The following MELTF variants were observed in gnomAD, a reference collection of about 807,000 sequenced individuals.
The protein encoded by MELTF is antigen p97 (melanoma associated) identified by monoclonal antibodies 133.2 and 96.5.
In MELTF, 67 loss-of-function variants were observed where a neutral mutation model predicts 83.7. The observed-to-expected ratio is 0.80, with a 90% CI of 0.66 to 0.98. The LOEUF is 0.98. MELTF is among the 50% of genes least tolerant of loss of function. The pLI is 0.00. For missense variants in MELTF, 1,002 were observed against 1,035.6 expected (o/e 0.97, Z 0.44); for synonymous variants, 462 against 447.6 (o/e 1.03, Z -0.41).
At chr3:197,020,929 G>T (rs1417961150) in intron 6 of MELTF, among the ~76,000 whole-genome samples, 1 of 152,140 alleles carries the variant, frequency 6.6e-6, no homozygotes, top group Non-Finnish European at 1.5e-5. Flanking sequence ...GCCTCCCAAA[G>T]TGCTGGGATT....
chr3:197,013,526 G>A (rs1265596699), intron 9 of MELTF, among the ~76,000 whole-genome samples: 1 of 152,224 alleles, frequency 6.6e-6, no homozygotes, highest in Non-Finnish European at 1.5e-5. Context: ...AAAGGGAATT[G>A]TATCAAACAA....
At position 197,007,923 on chromosome 3, in the gene MELTF, C is replaced by G. The variant is rs567645982; in HGVS notation, c.1750+734G>C. On this transcript the variant is annotated intron_variant, in intron 13 of 15. Transcript: ENST00000296350. The surrounding 1 kb of genome is among the most constrained non-coding windows in gnomAD (Gnocchi z 4.3). The stretch of plus-strand genomic sequence containing the variant: ...GGAGCGAGTGGAGAAGACTGGGCCT[C>G]CAGCATTTGGGGTTTCAAAGCCTGG... 3.3e-5 allele frequency among the ~76,000 whole-genome samples: 5 copies of G among 152,276 alleles called. No individual in the cohort carries two copies. The highest frequency in any genetic ancestry group is 2.1e-4 in the South Asian group (1 of 4,818).
At chr3:197,009,906 C>A in intron 10 of MELTF, 94 bp from the exon 11 acceptor site, 1 of 1,168,296 alleles carries the variant, frequency 8.6e-7, no homozygotes. Context: ...TCCTTCCTGT[C>A]TCTTTGCCTG....
chr3:197,016,233 T>C lies in MELTF; in HGVS notation c.1037A>G (p.His346Arg), dbSNP rs935164557. Reference protein sequence around the residue: ...ATQTYEAWLGHEYLHAMKGLL... With the variant: ...ATQTYEAWLGREYLHAMKGLL... ...ACCCTTCATGGCGTGCAGGTACTCATGGCCCAGCCACGCCTCATAGGTCTG... is the reference window on the plus strand; with the variant it reads ...ACCCTTCATGGCGTGCAGGTACTCACGGCCCAGCCACGCCTCATAGGTCTG... Residue 346 changes from histidine to arginine, a missense_variant, in exon 8 of 16, where the codon CAT becomes CGT. Coordinates refer to ENST00000296350, the MANE Select transcript of MELTF (RefSeq NM_005929.6). The C allele has an allele frequency of 5.6e-6, 9 of 1,601,126 alleles. No individual in the cohort carries two copies. Among genetic ancestry groups the C allele is most frequent in the Non-Finnish European group, 7.7e-6 (9 of 1,173,840 alleles).
At chr3:197,027,703 C>A (rs987971549) in intron 2 of MELTF, 53 bp downstream of exon 2, 3 of 1,559,370 alleles carry the variant, frequency 1.9e-6, no homozygotes, top group Admixed American at 1.8e-5. Flanking sequence ...GTTGTGTGCT[C>A]CCTCCTGAGT....
chr3:197,029,795 G>T lies in MELTF; in HGVS notation c.-93C>A. On this transcript the variant is annotated 5_prime_UTR_variant, in exon 1 of 16. Transcript: ENST00000296350. The surrounding 1 kb of genome is among the most constrained non-coding windows in gnomAD (Gnocchi z 6.5). Reference sequence around the variant, plus strand: ...GGGCTTCCTCCCTGCTCCCCCTCGCGCTGGCCCGAGCTCCTTAAGTGCGGC... The same window carrying T: ...GGGCTTCCTCCCTGCTCCCCCTCGCTCTGGCCCGAGCTCCTTAAGTGCGGC... 2.3e-6 allele frequency: 2 copies of T among 879,306 alleles called. No homozygotes were observed. The highest frequency in any genetic ancestry group is 3.0e-6 in the Non-Finnish European group (2 of 667,350). 54.5% of individuals were successfully genotyped at this position (879,306 alleles called of 1,614,324 possible).
Position 197,006,648 on chromosome 3 carries a change from C to T in MELTF, c.1839G>A (p.Gln613=). The change falls in exon 14 of 16, where the codon CAG becomes CAA. Residue 613 remains glutamine, a synonymous_variant. Transcript: ENST00000296350. The surrounding 1 kb of genome is among the most constrained non-coding windows in gnomAD (Gnocchi z 5.4). ...TCTGTGCCAGGTTGCAGGCTGCAAACTGGGACACCTCGGCTCGGGCCCCGT... is the reference window on the plus strand; with the variant it reads ...TCTGTGCCAGGTTGCAGGCTGCAAATTGGGACACCTCGGCTCGGGCCCCGT... The part of the protein sequence containing the change: ...CPNGARAEVS[Q]FAACNLAQIP... 2 of 1,609,640 alleles carry T rather than the reference C, an allele frequency of 1.2e-6. No homozygotes were observed. Among genetic ancestry groups the T allele is most frequent in the Non-Finnish European group, 1.7e-6 (2 of 1,177,772 alleles).
chr3:197,029,685 C>T lies in MELTF; in HGVS notation c.18G>A (p.Gly6=). 1 of 1,244,528 alleles carries T rather than the reference C, an allele frequency of 8.0e-7. No homozygotes were observed. Among genetic ancestry groups the T allele is most frequent in the Admixed American group, 4.0e-5 (1 of 24,736 alleles). 77.1% of individuals were successfully genotyped at this position (1,244,528 alleles called of 1,614,324 possible). The change falls in exon 1 of 16, where the codon GGG becomes GGA. Residue 6 remains glycine, a synonymous_variant. Transcript: ENST00000296350. The surrounding 1 kb of genome is among the most constrained non-coding windows in gnomAD (Gnocchi z 6.5). Reference sequence around the variant, plus strand: ...GCAGAGCCAGGAGCAGCCACAGAGCCCCGCTCGGACCCCGCATGGCGCCGT... The same window carrying T: ...GCAGAGCCAGGAGCAGCCACAGAGCTCCGCTCGGACCCCGCATGGCGCCGT... The part of the protein sequence containing the change: MRGPS[G]ALWLLLALRT...
rs970789801 is a variant in MELTF, at chr3:197,016,224, A to T, written c.1046T>A (p.Leu349Gln). The T allele has an allele frequency of 6.3e-7, 1 of 1,596,120 alleles. No individual in the cohort carries two copies. Among genetic ancestry groups the T allele is most frequent in the Non-Finnish European group, 8.5e-7 (1 of 1,171,494 alleles). The change falls in exon 8 of 16, where the codon CTG becomes CAG. Residue 349 changes from leucine to glutamine, a missense_variant. Physicochemically the swap from Leu to Gln is moderately radical, Grantham distance 113. Transcript: ENST00000296350. ...ACAGAGCAGACCCTTCATGGCGTGC[A>T]GGTACTCATGGCCCAGCCACGCCTC... is the stretch of plus-strand genomic sequence containing the variant. ...TYEAWLGHEY[L>Q]HAMKGLLCDP...
Position 197,004,075 on chromosome 3 carries a change from T to A in MELTF, c.1963A>T (p.Lys655Ter). 6.2e-7 allele frequency: 1 copy of A among 1,614,110 alleles called. No homozygotes were observed. Among genetic ancestry groups the A allele is most frequent in the Non-Finnish European group, 8.5e-7 (1 of 1,180,010 alleles). The change falls in exon 15 of 16, where the codon AAG becomes TAG. Residue 655 changes from lysine (K) to a stop codon, truncating the protein, a stop_gained. Coordinates refer to ENST00000296350, the MANE Select transcript of MELTF (RefSeq NM_005929.6). LOFTEE classifies it high-confidence loss of function. ...AQDLFGDDHN[K>*]NGFKMFDSSN... is the part of the protein sequence containing the mutation. ...GAGTCGAACATTTTGAACCCGTTCT[T>A]ATTGTGGTCGTCTCCAAACAGGTCC...
At position 197,029,555 on chromosome 3, in the gene MELTF, C is replaced by A; in HGVS notation, c.49+99G>T. 1 of 1,025,416 alleles carries A rather than the reference C, an allele frequency of 9.8e-7. No individual in the cohort carries two copies. The highest frequency in any genetic ancestry group is 1.3e-6 in the Non-Finnish European group (1 of 799,418). 63.5% of individuals were successfully genotyped at this position (1,025,416 alleles called of 1,614,324 possible). On this transcript the variant is annotated intron_variant, in intron 1 of 15. Transcript: ENST00000296350. The surrounding 1 kb of genome is among the most constrained non-coding windows in gnomAD (Gnocchi z 6.5). ...CCTCCCCCGTCTCACTGCCCCGGAGCCGCAGGCTCAGGCACATTTCCAGCC... is the reference window on the plus strand; with the variant it reads ...CCTCCCCCGTCTCACTGCCCCGGAGACGCAGGCTCAGGCACATTTCCAGCC...
At chr3:197,015,914 G>A (rs1222710189) in intron 8 of MELTF, among the ~76,000 whole-genome samples, 1 of 152,158 alleles carries the variant, frequency 6.6e-6, no homozygotes, top group East Asian at 1.9e-4. Context: ...TGCCATGGCC[G>A]TGGATGGGGG....
At position 197,008,836 on chromosome 3, in the gene MELTF, C is replaced by T. The variant is rs374064854; in HGVS notation, c.1655G>A (p.Arg552Gln). The part of the protein sequence containing the change: ...RNKCVGNSQE[R>Q]YYGYRGAFRC... The stretch of plus-strand genomic sequence containing the variant: ...GAAGGCGCCGCGGTAGCCGTAATAC[C>T]GCTCCTGGCTGTTGCCCACACACTT... The change falls in exon 12 of 16, where the codon CGG (arginine) becomes CAG (glutamine). Residue 552 changes from arginine to glutamine, a missense_variant. Transcript: ENST00000296350. The surrounding 1 kb of genome is among the most constrained non-coding windows in gnomAD (Gnocchi z 5.4). 7.9e-5 allele frequency: 128 copies of T among 1,614,028 alleles called. No individual in the cohort carries two copies. Among genetic ancestry groups the T allele is most frequent in the Non-Finnish European group, 9.9e-5 (117 of 1,180,028 alleles).
chr3:197,017,830 T>TTG (rs1232994889), intron 6 of MELTF, among the ~76,000 whole-genome samples: 1 of 152,032 alleles, frequency 6.6e-6, no homozygotes, highest in African/African-American at 2.4e-5. Flanking sequence ...TGAGCCGAGA[T>TTG]CACGCCACTG....
chr3:197,011,366 G>A lies in MELTF; in HGVS notation c.1234-572C>T, dbSNP rs1351355424. 6.6e-6 allele frequency among the ~76,000 whole-genome samples: 1 copy of A among 152,138 alleles called. No homozygotes were observed. Among genetic ancestry groups the A allele is most frequent in the Non-Finnish European group, 1.5e-5 (1 of 68,010 alleles). Reference sequence around the variant, plus strand: ...CCCAGGACCCTCCTGGGGCCTCCAGGTCACCTGCACCCACCCCGCTTGTCC... The same window carrying A: ...CCCAGGACCCTCCTGGGGCCTCCAGATCACCTGCACCCACCCCGCTTGTCC... On this transcript the variant is annotated intron_variant, in intron 9 of 15. Coordinates refer to ENST00000296350, the MANE Select transcript of MELTF (RefSeq NM_005929.6). The surrounding 1 kb of genome is among the most constrained non-coding windows in gnomAD (Gnocchi z 4.2).
At chr3:197,016,825 A>G (rs1719395920) in intron 7 of MELTF, among the ~76,000 whole-genome samples, 2 of 152,082 alleles carry the variant, frequency 1.3e-5, no homozygotes, top group East Asian at 3.9e-4. Flanking sequence ...ATTTGCTCAT[A>G]TGTTTTGGTT....
Position 197,006,822 on chromosome 3 carries a change from C to T in MELTF, c.1751-86G>A. On this transcript the variant is annotated intron_variant, in intron 13 of 15. Transcript: ENST00000296350. The surrounding 1 kb of genome is among the most constrained non-coding windows in gnomAD (Gnocchi z 5.4). Reference sequence around the variant, plus strand: ...AAGCTGCTATCCTGGGACCCCAAGGCCTTCACCACAGGGAGGTGGCAACAT... The same window carrying T: ...AAGCTGCTATCCTGGGACCCCAAGGTCTTCACCACAGGGAGGTGGCAACAT... 7.8e-7 allele frequency: 1 copy of T among 1,276,134 alleles called. No homozygotes were observed. Among genetic ancestry groups the T allele is most frequent in the Non-Finnish European group, 1.0e-6 (1 of 968,486 alleles). The allele number at this position is 1,276,134 out of a possible 1,614,324, so 79.1% of individuals were successfully genotyped here.
intron 4 of MELTF, chr3:197,023,747 A>G (rs1719726004): frequency 4.5e-6 from 2 of 443,396 alleles, no homozygotes; most frequent in Non-Finnish European, 9.0e-6. Flanking sequence ...GACCTCCCAG[A>G]GGAGTAGATA....
At chr3:197,018,227 A>C (rs1719479153) in intron 6 of MELTF, among the ~76,000 whole-genome samples, 2 of 151,874 alleles carry the variant, frequency 1.3e-5, no homozygotes, top group African/African-American at 4.8e-5. Flanking sequence ...GGCTCACTGC[A>C]ACCTCCACCT....
Sources: gnomAD v4.1 joint callset for allele counts (sites outside exome capture counted in the v4.1 genomes callset) on GRCh38, gnomAD v4.1.1 for gene constraint, Gnocchi (gnomAD v3.1) non-coding constraint, MANE v1.5 for transcripts, NCBI Gene and HGNC (gene_info 2026-07-23, HGNC 2026-07-21) for gene names.